BMS1: variants seen among roughly 807,000 people sequenced by gnomAD.
The protein encoded by BMS1 is ribosome biogenesis protein BMS1 homolog.
A neutral mutation model predicts 138.7 loss-of-function variants in BMS1; 53 were observed. That is an observed-to-expected ratio of 0.38 (90% CI 0.31 to 0.48). The LOEUF (loss-of-function observed/expected upper bound fraction) is 0.48. Ranked by LOEUF, BMS1 falls within the 20% of genes least tolerant of loss-of-function variation. The pLI, the probability that BMS1 is intolerant of heterozygous loss-of-function variation, is 0.97. For synonymous variants in BMS1, 504 were observed against 539.9 expected (o/e 0.93, Z 0.92); for missense variants, 1,360 against 1,565.5 (o/e 0.87, Z 2.22).
chr10:42,813,578 T>A (rs1260219562), intron 13 of BMS1, among the ~76,000 whole-genome samples: 1 of 152,164 alleles, frequency 6.6e-6, no homozygotes, highest in African/African-American at 2.4e-5. Context: ...GTGGTATAGT[T>A]TTTGTTTCAG....
intron 13 of BMS1, among the ~76,000 whole-genome samples, chr10:42,802,439 A>G (rs1190536417): frequency 1.3e-5 from 2 of 152,160 alleles, no homozygotes; most frequent in East Asian, 1.9e-4. Flanking sequence ...AAAGTGAGAA[A>G]CTTTCCATAA....
chr10:42,812,633 G>C (rs1000428193), intron 13 of BMS1, among the ~76,000 whole-genome samples: 4 of 152,228 alleles, frequency 2.6e-5, no homozygotes, highest in African/African-American at 9.7e-5. Flanking sequence ...ACTGACAGCA[G>C]TGTTTTAGTC....
intron 13 of BMS1, among the ~76,000 whole-genome samples, chr10:42,805,413 C>T (rs1461812363): frequency 6.6e-6 from 1 of 152,124 alleles, no homozygotes; most frequent in African/African-American, 2.4e-5. Flanking sequence ...TAGTTTTTAA[C>T]TTTAGGTAGT....
chr10:42,821,883 A>C, intron 18 of BMS1, among the ~76,000 whole-genome samples, 179 bp from the exon 19 acceptor site: 1 of 152,078 alleles, frequency 6.6e-6, no homozygotes. Context: ...TGGCTTACCA[A>C]CTTTAAAGTT....
rs1842822315 is a variant in BMS1 at position 42,832,716 on chromosome 10, C to T, written c.*1620C>T. On this transcript the variant is annotated 3_prime_UTR_variant, in exon 23 of 23. Coordinates refer to ENST00000374518, the MANE Select transcript of BMS1 (RefSeq NM_014753.4). ...TGTGAGGATCCTGTCAGGGCTAGGT[C>T]CACCTGGGAAGTGACAATTGGAACA... The T allele has an allele frequency of 6.6e-6, 1 of 152,076 alleles. No individual in the cohort carries two copies. The highest frequency in any genetic ancestry group is 1.5e-5 in the Non-Finnish European group (1 of 68,016). 9.4% of individuals were successfully genotyped at this position (152,076 alleles called of 1,614,324 possible).
chr10:42,828,086 C>T (rs541211468), intron 21 of BMS1, among the ~76,000 whole-genome samples: 22 of 152,340 alleles, frequency 1.4e-4, no homozygotes, highest in East Asian at 3.9e-4. Context: ...CCAGCTGCCA[C>T]GCCCTGGACC....
At chr10:42,830,144 ACT>A in intron 21 of BMS1, 115 bp from the exon 22 acceptor site, 1 of 1,181,720 alleles carries the variant, frequency 8.5e-7, no homozygotes, top group African/African-American at 1.6e-5. Context: ...GGGCCGGCAG[ACT>A]CTGGTGTTAC....
chr10:42,831,262 C>G lies in BMS1; in HGVS notation c.*166C>G, dbSNP rs1588767150. ...AACAGAGAAGCCTGGGCTGCTGGGA[C>G]TGGGTTCATTCTCATGACTTGGGGC... On this transcript the variant is annotated 3_prime_UTR_variant, in exon 23 of 23. Coordinates refer to ENST00000374518, the MANE Select transcript of BMS1 (RefSeq NM_014753.4). 4.2e-6 allele frequency: 3 copies of G among 720,092 alleles called. No individual in the cohort carries two copies. The highest frequency in any genetic ancestry group is 5.5e-5 in the East Asian group (2 of 36,482). 44.6% of individuals were successfully genotyped at this position (720,092 alleles called of 1,614,324 possible).
chr10:42,818,819 G>C (rs1029339693), intron 15 of BMS1, among the ~76,000 whole-genome samples: 1 of 152,196 alleles, frequency 6.6e-6, no homozygotes, highest in Non-Finnish European at 1.5e-5. Flanking sequence ...GCATGGGCGA[G>C]ATGGGGCGAT....
chr10:42,821,547 T>G (rs1434731236), intron 18 of BMS1, among the ~76,000 whole-genome samples: 1 of 119,544 alleles, frequency 8.4e-6, no homozygotes, highest in Admixed American at 8.3e-5. Context: ...GGCGCCTTTT[T>G]TTTTTTTTTT....
At chr10:42,809,414 CT>C (rs35323545) in intron 13 of BMS1, among the ~76,000 whole-genome samples, 19 of 149,044 alleles carry the variant, frequency 1.3e-4, no homozygotes, top group African/African-American at 2.7e-4. Flanking sequence ...GCTTTTCCTT[CT>C]TTTTTTTTTA....
intron 12 of BMS1, among the ~76,000 whole-genome samples, chr10:42,800,108 G>T (rs1298885220): frequency 6.6e-6 from 1 of 152,142 alleles, no homozygotes; most frequent in Non-Finnish European, 1.5e-5. Context: ...GCTACTTGTG[G>T]CTACTGAGCT....
intron 4 of BMS1, among the ~76,000 whole-genome samples, chr10:42,788,771 A>G (rs565226762): frequency 6.6e-6 from 1 of 152,298 alleles, no homozygotes. Context: ...CACAATGTGC[A>G]TTTTCTTTTT....
chr10:42,823,170 G>T lies in BMS1; in HGVS notation c.3185G>T (p.Arg1062Leu). ...EVAKFEGAVI[R>L]TVSGIRGQIK... Reference sequence around the variant, plus strand: ...GCCAAATTTGAAGGTGCTGTGATTCGAACAGTCAGTGGGATAAGGGGGCAG... The same window carrying T: ...GCCAAATTTGAAGGTGCTGTGATTCTAACAGTCAGTGGGATAAGGGGGCAG... Residue 1062 changes from arginine to leucine, a missense_variant, in exon 20 of 23, where the codon CGA (arginine) becomes CTA (leucine). By Grantham distance (102) the Arg-to-Leu change is moderately radical (BLOSUM62 -2). This residue lies in a region of BMS1 where 425 missense variants were observed against 568.3 expected (regional missense o/e 0.75). Transcript: ENST00000374518. 1 of 1,608,306 alleles carries T rather than the reference G, an allele frequency of 6.2e-7. No individual in the cohort carries two copies.
chr10:42,808,174 A>G (rs1287525610), intron 13 of BMS1, among the ~76,000 whole-genome samples: 1 of 151,946 alleles, frequency 6.6e-6, no homozygotes, highest in Non-Finnish European at 1.5e-5. Flanking sequence ...TTATATGTTT[A>G]ACTCCATCGT....
At chr10:42,827,221 G>A (rs995023514) in intron 21 of BMS1, among the ~76,000 whole-genome samples, 1 of 152,160 alleles carries the variant, frequency 6.6e-6, no homozygotes, top group African/African-American at 2.4e-5. Context: ...CCCATGAGGT[G>A]AAGCAGCACA....
chr10:42,795,443 C>G (rs1223677837), intron 9 of BMS1, among the ~76,000 whole-genome samples: 3 of 151,892 alleles, frequency 2.0e-5, no homozygotes, highest in East Asian at 1.9e-4. Context: ...CTTCAGCCCC[C>G]CAAGTAGCTG....
intron 13 of BMS1, among the ~76,000 whole-genome samples, chr10:42,804,476 T>C (rs1841958680): frequency 6.6e-6 from 1 of 152,184 alleles, no homozygotes; most frequent in Admixed American, 6.5e-5. Context: ...TAGTGACTAA[T>C]GGTATCGAAC....
Position 42,796,549 on chromosome 10 carries a change from T to G in BMS1, c.1305T>G (p.Asp435Glu), listed in dbSNP as rs377216128. 5 of 1,614,032 alleles carry G rather than the reference T, an allele frequency of 3.1e-6. No homozygotes were observed. In the African/African-American group the frequency reaches 5.3e-5, roughly 17 times the overall value. The change falls in exon 10 of 23, where the codon GAT (aspartate) becomes GAG (glutamate). Residue 435 changes from aspartate to glutamate, a missense_variant. By Grantham distance (45) the Asp-to-Glu change is conservative. Around this residue, in one of 3 missense-constraint regions of BMS1, gnomAD observed 697 missense variants for 686.2 expected, o/e 1.02. Transcript: ENST00000374518. ...GRMRRKAIFG[D>E]EDESGDSDDE... Reference sequence around the variant, plus strand: ...TGCGTCGGAAAGCCATTTTCGGAGATGAAGATGAATCTGGAGATAGTGATG... The same window carrying G: ...TGCGTCGGAAAGCCATTTTCGGAGAGGAAGATGAATCTGGAGATAGTGATG...
Sources: allele counts gnomAD v4.1 joint callset (sites outside exome capture counted in the v4.1 genomes callset), GRCh38; gene constraint gnomAD v4.1.1; regional missense constraint gnomAD v4.1.1; transcripts MANE v1.5; gene names NCBI Gene and HGNC (gene_info 2026-07-23, HGNC 2026-07-21).